EXOC4: variants seen among roughly 807,000 people sequenced by gnomAD.
EXOC4 encodes the protein SEC8-like 1.
In EXOC4, 71 loss-of-function variants were observed where a neutral mutation model predicts 107.2. That is an observed-to-expected ratio of 0.66 (90% CI 0.55 to 0.81). EXOC4 has a LOEUF of 0.81. Among genes scored for constraint, EXOC4 ranks in the 30% least tolerant of loss-of-function variants. The probability of loss-of-function intolerance (pLI) is 0.00; values close to 1 mark genes in which losing one functional copy is unlikely to be tolerated. For synonymous variants in EXOC4, 456 were observed against 441.2 expected, an observed-to-expected ratio of 1.03 and a Z score of -0.42; for missense variants, 1,108 against 1,189.6, an observed-to-expected ratio of 0.93 and a Z score of 1.01.
At chr7:133,356,684 AC>A (rs1796028132) in intron 6 of EXOC4, 111 bp downstream of exon 6, 1 of 1,296,254 alleles carries the variant, frequency 7.7e-7, no homozygotes, top group South Asian at 1.4e-5. Context: ...AACTTAGGAT[AC>A]TATAGCCCAT....
Position 133,423,675 on chromosome 7 carries a change from C to A in EXOC4, c.1182+48673C>A, listed in dbSNP as rs959674269. ...GCTCTCTGTGCCTCCTCAGCCTTGG[C>A]ATCCGCTCTGGGCCCTCTTTGGGGC... On this transcript the variant is annotated intron_variant, in intron 7 of 17. Coordinates refer to ENST00000253861, the MANE Select transcript of EXOC4 (RefSeq NM_021807.4). 2.6e-5 allele frequency among the ~76,000 whole-genome samples: 4 copies of A among 152,350 alleles called. No homozygotes were observed. The Middle Eastern group carries it at 0.01, about 389-fold the overall frequency.
chr7:133,834,180 A>T (rs1322447344), intron 11 of EXOC4, among the ~76,000 whole-genome samples: 1 of 151,528 alleles, frequency 6.6e-6, no homozygotes, highest in African/African-American at 2.4e-5. Context: ...AATTCATAAT[A>T]CTCTCCACCC....
At chr7:133,844,718 GTTC>G (rs1798090422) in intron 11 of EXOC4, among the ~76,000 whole-genome samples, 1 of 151,930 alleles carries the variant, frequency 6.6e-6, no homozygotes, top group African/African-American at 2.4e-5. Context: ...ACTGCTCATT[GTTC>G]TTCTCATTGG....
chr7:133,516,836 A>G (rs186466467), intron 9 of EXOC4, among the ~76,000 whole-genome samples: 1 of 136,378 alleles, frequency 7.3e-6, no homozygotes, highest in East Asian at 2.3e-4. Context: ...ACTTTAGGCC[A>G]TTGTCTTCAA....
rs552541214 is a variant in EXOC4 at position 133,952,159 on chromosome 7, G to GA, written c.2206+14101dup. Reference sequence around the variant, plus strand: ...CTGACAACAGTGAGACTGTGTCTCAGAAAAAAAAAAAGAAAAAAAAAGAAG... The same window carrying GA: ...CTGACAACAGTGAGACTGTGTCTCAGAAAAAAAAAAAAGAAAAAAAAAGAAG... On this transcript the variant is annotated intron_variant, in intron 14 of 17. Transcript: ENST00000253861. Among the ~76,000 whole-genome samples, 134 of 127,308 alleles carry GA rather than the reference G, an allele frequency of 1.1e-3. 1 individual carries two copies. The South Asian group carries it at 0.014, about 13-fold the overall frequency. The allele number at this position is 127,308 out of a possible 152,430, so 83.5% of individuals were successfully genotyped here.
At chr7:133,597,679 G>A (rs540933324) in intron 9 of EXOC4, among the ~76,000 whole-genome samples, 1 of 151,814 alleles carries the variant, frequency 6.6e-6, no homozygotes, top group East Asian at 1.9e-4. Flanking sequence ...ACTGAATGGA[G>A]AAAGGAACAC....
At chr7:133,370,604 T>A (rs1041210059) in intron 6 of EXOC4, among the ~76,000 whole-genome samples, 19 of 152,152 alleles carry the variant, frequency 1.2e-4, no homozygotes, top group African/African-American at 3.4e-4. Context: ...TGTAGCTTTT[T>A]AAAAAAATCT....
At chr7:133,835,254 G>A (rs550330262) in intron 11 of EXOC4, among the ~76,000 whole-genome samples, 2 of 152,344 alleles carry the variant, frequency 1.3e-5, no homozygotes, top group African/African-American at 4.8e-5. Context: ...AATCTAGGAA[G>A]TTTATTTTGC....
At chr7:133,392,707 T>G (rs879881678) in intron 7 of EXOC4, among the ~76,000 whole-genome samples, 2 of 152,246 alleles carry the variant, frequency 1.3e-5, no homozygotes, top group African/African-American at 2.4e-5. Context: ...TGACTCCTTA[T>G]GCTGTGACAG....
intron 9 of EXOC4, among the ~76,000 whole-genome samples, chr7:133,530,206 G>A (rs1277820223): frequency 6.6e-6 from 1 of 152,134 alleles, no homozygotes; most frequent in Non-Finnish European, 1.5e-5. Context: ...AAAAAGAGAG[G>A]TAAGTTATTT....
intron 10 of EXOC4, among the ~76,000 whole-genome samples, chr7:133,680,487 G>A (rs1794163193): frequency 1.3e-5 from 2 of 152,118 alleles, no homozygotes; most frequent in Non-Finnish European, 2.9e-5. Flanking sequence ...CCCCTGACAC[G>A]ACAGGACGTA....
intron 9 of EXOC4, chr7:133,480,866 CGACATGGCGAA>C (rs1799137933): frequency 6.6e-6 from 1 of 151,476 alleles, no homozygotes; most frequent in Admixed American, 6.6e-5. Flanking sequence ...CCAGCCTGGG[CGACATGGCGAA>C]GCCCTGTCTC....
chr7:133,607,912 C>G (rs1801985420), intron 9 of EXOC4, among the ~76,000 whole-genome samples: 2 of 152,108 alleles, frequency 1.3e-5, no homozygotes, highest in Admixed American at 1.3e-4. Flanking sequence ...TCATCTTCAC[C>G]AAGTGAAGGG....
intron 10 of EXOC4, among the ~76,000 whole-genome samples, chr7:133,793,846 C>A (rs577236513): frequency 4.1e-5 from 2 of 48,278 alleles, no homozygotes; most frequent in Admixed American, 3.1e-4. Context: ...CTGTCACACA[C>A]ACAAAAAATA....
intron 10 of EXOC4, among the ~76,000 whole-genome samples, chr7:133,790,930 G>A (rs1796689739): frequency 6.6e-6 from 1 of 152,234 alleles, no homozygotes; most frequent in Non-Finnish European, 1.5e-5. Flanking sequence ...CTGAAGCATG[G>A]AAGGAGATGT....
intron 10 of EXOC4, among the ~76,000 whole-genome samples, chr7:133,808,982 A>C (rs1797149387): frequency 7.4e-6 from 1 of 135,424 alleles, no homozygotes; most frequent in South Asian, 2.5e-4. Context: ...TCTGGGTCCA[A>C]AGATTATTTC....
chr7:134,027,656 C>CAAAAAA (rs11408269), intron 17 of EXOC4, among the ~76,000 whole-genome samples: 1 of 124,802 alleles, frequency 8.0e-6, no homozygotes, highest in Non-Finnish European at 1.6e-5. Context: ...GACTCCATCT[C>CAAAAAA]AAAAAAAAAA....
chr7:133,671,902 G>A (rs1793954526), intron 10 of EXOC4, among the ~76,000 whole-genome samples: 1 of 152,190 alleles, frequency 6.6e-6, no homozygotes, highest in Non-Finnish European at 1.5e-5. Context: ...TTTGGGACAT[G>A]CTAAATTTGA....
At position 133,253,163 on chromosome 7, in the gene EXOC4, C is replaced by A. The variant is rs183280115; in HGVS notation, c.62C>A (p.Ser21Ter). 5 of 1,614,162 alleles carry A rather than the reference C, an allele frequency of 3.1e-6. No homozygotes were observed. The highest frequency in any genetic ancestry group is 4.2e-6 in the Non-Finnish European group (5 of 1,179,984). The stretch of plus-strand genomic sequence containing the variant: ...ACAGTCAGCAAAAGCAAAGACCCCT[C>A]GGGGCTGCTCATCTCTGTGATCAGG... ...RSTVSKSKDP[S>*]GLLISVIRTL... Residue 21 changes from serine to a stop codon, truncating the protein, a stop_gained, in exon 1 of 18, where the codon TCG (serine) becomes TAG (stop). Coordinates refer to ENST00000253861, the MANE Select transcript of EXOC4 (RefSeq NM_021807.4). LOFTEE classifies it high-confidence loss of function.
Sources: gnomAD v4.1 joint callset for allele counts (sites outside exome capture counted in the v4.1 genomes callset) on GRCh38, gnomAD v4.1.1 for gene constraint, MANE v1.5 for transcripts, NCBI Gene and HGNC (gene_info 2026-07-23, HGNC 2026-07-21) for gene names.